The following CPAP variants were observed in gnomAD, a reference collection of about 807,000 sequenced individuals.
CPAP encodes the protein centrosomal P4.1-associated protein.
At chr13:24,919,634 G>A in the CPAP span, among the ~76,000 whole-genome samples, 2 of 152,148 alleles carry the variant, frequency 1.3e-5, no homozygotes, top group Non-Finnish European at 2.9e-5. Flanking sequence ...TGCCCATGCT[G>A]GTCTCAAACT....
the CPAP span, chr13:24,884,455 C>T: frequency 6.2e-7 from 1 of 1,614,062 alleles, no homozygotes; most frequent in South Asian, 1.1e-5. Context: ...TCTTATAAAC[C>T]TTTTCCACCT....
chr13:24,905,773 A>T, the CPAP span: 3 of 1,614,126 alleles, frequency 1.9e-6, no homozygotes, highest in Middle Eastern at 1.6e-4. Context: ...ACAAATCCAG[A>T]TCAACATCTC....
At chr13:24,918,040 G>C in the CPAP span, among the ~76,000 whole-genome samples, 1 of 152,042 alleles carries the variant, frequency 6.6e-6, no homozygotes, top group Admixed American at 6.5e-5. Flanking sequence ...GGAGCGGACA[G>C]TCAAGCCATA....
At chr13:24,892,682 T>C in the CPAP span, 1 of 1,614,154 alleles carries the variant, frequency 6.2e-7, no homozygotes, top group Non-Finnish European at 8.5e-7. Context: ...GGCTGCTCTC[T>C]ATGGCTTCTG....
chr13:24,898,631 G>C, the CPAP span, among the ~76,000 whole-genome samples: 4 of 152,046 alleles, frequency 2.6e-5, no homozygotes, highest in African/African-American at 9.7e-5. Context: ...CAAAAATAAA[G>C]AAGGAGAATT....
the CPAP span, among the ~76,000 whole-genome samples, chr13:24,890,309 A>T: frequency 6.6e-6 from 1 of 152,174 alleles, no homozygotes; most frequent in Non-Finnish European, 1.5e-5. Context: ...GGAAGCTTTC[A>T]TACTAAAAAG....
chr13:24,909,817 T>C, the CPAP span: 1 of 1,613,308 alleles, frequency 6.2e-7, no homozygotes, highest in Non-Finnish European at 8.5e-7. Context: ...TTTTCTTCTT[T>C]TAAATTATTT....
the CPAP span, among the ~76,000 whole-genome samples, chr13:24,899,841 C>A: frequency 1.3e-5 from 2 of 152,014 alleles, no homozygotes; most frequent in African/African-American, 2.4e-5. Context: ...CACAGTGGCT[C>A]AAGTCTATAA....
At chr13:24,897,060 ACT>A in the CPAP span, among the ~76,000 whole-genome samples, 7 of 152,110 alleles carry the variant, frequency 4.6e-5, no homozygotes, top group African/African-American at 1.7e-4. Context: ...AACAAAAAAC[ACT>A]CTAAGAATTG....
the CPAP span, chr13:24,903,954 C>T: frequency 6.2e-7 from 1 of 1,613,972 alleles, no homozygotes; most frequent in Admixed American, 1.7e-5. Flanking sequence ...CTTTCTCGTT[C>T]AATGCGAAGT....
chr13:24,885,868 T>C, the CPAP span: 1 of 578,064 alleles, frequency 1.7e-6, no homozygotes, highest in Admixed American at 3.0e-5. Flanking sequence ...AGAAAGACAG[T>C]ATCTTGTCTC....
At chr13:24,887,567 C>CG in the CPAP span, among the ~76,000 whole-genome samples, 2 of 152,200 alleles carry the variant, frequency 1.3e-5, no homozygotes, top group African/African-American at 4.8e-5. Context: ...TGTCTCCCAT[C>CG]ACCCCCAGAT....
chr13:24,905,229 TTTGAC>T, the CPAP span: 3 of 970,510 alleles, frequency 3.1e-6, no homozygotes, highest in East Asian at 2.4e-5. Context: ...CACCCATTAA[TTTGAC>T]TTAATTCTAT....
At chr13:24,898,077 G>A in the CPAP span, among the ~76,000 whole-genome samples, 7 of 152,204 alleles carry the variant, frequency 4.6e-5, 1 homozygote, top group South Asian at 4.1e-4. Context: ...TGTATTTTTC[G>A]TAGAGATGGA....
the CPAP span, among the ~76,000 whole-genome samples, chr13:24,900,603 T>C: frequency 6.6e-6 from 1 of 151,936 alleles, no homozygotes; most frequent in African/African-American, 2.4e-5. Context: ...GATCGCACCA[T>C]TGCACACCAG....
the CPAP span, chr13:24,913,132 C>T: frequency 1.1e-6 from 1 of 929,478 alleles, no homozygotes; most frequent in South Asian, 1.5e-5. Context: ...TAGGTAAAGC[C>T]ATTAGATGTC....
the CPAP span, chr13:24,912,540 C>T: frequency 9.3e-6 from 14 of 1,498,300 alleles, no homozygotes; most frequent in African/African-American, 1.7e-4. Context: ...AAACAGAAAC[C>T]TGCAATGACA....
chr13:24,905,747 C>T, the CPAP span: 10 of 1,614,082 alleles, frequency 6.2e-6, no homozygotes, highest in Middle Eastern at 1.6e-4. Flanking sequence ...CTCATCGCTA[C>T]TGTAATCTTT....
the CPAP span, among the ~76,000 whole-genome samples, chr13:24,912,337 AT>A: frequency 6.6e-6 from 1 of 152,216 alleles, no homozygotes; most frequent in Non-Finnish European, 1.5e-5. Context: ...ACATCATCCA[AT>A]TTTTTCCCCT....
Sources: gnomAD v4.1 joint callset for allele counts (sites outside exome capture counted in the v4.1 genomes callset) on GRCh38, gnomAD v4.1.1 for gene constraint, MANE v1.5 for transcripts, NCBI Gene and HGNC (gene_info 2026-07-23, HGNC 2026-07-21) for gene names.